The following ADK variants were observed in gnomAD, a reference collection of about 807,000 sequenced individuals.
The protein encoded by ADK is adenosine kinase.
ADK carries 24 observed loss-of-function variants against 44.7 expected under a neutral mutation model. The observed-to-expected ratio is 0.54, with a 90% confidence interval of 0.39 to 0.76. The LOEUF (loss-of-function observed/expected upper bound fraction) is 0.76. Ranked by LOEUF, ADK falls within the 30% of genes least tolerant of loss-of-function variation. ADK has a pLI of 0.00. For missense variants in ADK, 321 were observed against 425.1 expected, an observed-to-expected ratio of 0.76 and a Z score of 2.15; for synonymous variants, 128 against 142.6, an observed-to-expected ratio of 0.90 and a Z score of 0.73.
intron 7 of ADK, among the ~76,000 whole-genome samples, chr10:74,585,606 G>T (rs1851502958): frequency 6.6e-6 from 1 of 152,144 alleles, no homozygotes; most frequent in Admixed American, 6.6e-5. Flanking sequence ...TGTGTCGGTT[G>T]TTTATTTCCT....
intron 4 of ADK, among the ~76,000 whole-genome samples, chr10:74,343,808 C>T (rs557488634): frequency 2.0e-5 from 3 of 152,202 alleles, no homozygotes; most frequent in African/African-American, 7.2e-5. Context: ...GGGGTTTCAC[C>T]ATGTTGGCCA....
chr10:74,210,055 C>T (rs555226318), intron 2 of ADK, among the ~76,000 whole-genome samples: 11 of 151,978 alleles, frequency 7.2e-5, no homozygotes, highest in Non-Finnish European at 1.5e-4. Context: ...TTTGGCTGGG[C>T]GCGGTGGCTC....
chr10:74,396,680 A>G (rs1843522861), intron 5 of ADK, among the ~76,000 whole-genome samples: 2 of 152,054 alleles, frequency 1.3e-5, no homozygotes, highest in South Asian at 4.1e-4. Context: ...CTGGTCGGGC[A>G]TGGCAGCTCA....
intron 6 of ADK, among the ~76,000 whole-genome samples, chr10:74,459,389 G>A (rs549219799): frequency 1.2e-3 from 180 of 152,078 alleles, no homozygotes; most frequent in African/African-American, 4.1e-3. Flanking sequence ...TTACATTTCA[G>A]AGGACATTAG....
At chr10:74,617,948 C>A (rs991616170) in intron 9 of ADK, among the ~76,000 whole-genome samples, 37 of 152,234 alleles carry the variant, frequency 2.4e-4, no homozygotes, top group Admixed American at 2.3e-3. Flanking sequence ...ATAATTCTCA[C>A]GTCTTCCTGA....
At chr10:74,626,439 C>G (rs1161535634) in intron 9 of ADK, among the ~76,000 whole-genome samples, 1 of 151,710 alleles carries the variant, frequency 6.6e-6, no homozygotes, top group African/African-American at 2.4e-5. Flanking sequence ...GTAGCTGGAA[C>G]TACAGGTGTG....
chr10:74,649,348 G>A (rs78292208), intron 9 of ADK, among the ~76,000 whole-genome samples: 4,042 of 152,124 alleles, frequency 0.027, 122 homozygotes, highest in African/African-American at 0.071. Flanking sequence ...ACTGTCAGCC[G>A]GGCACAGTGT....
intron 6 of ADK, among the ~76,000 whole-genome samples, chr10:74,501,676 A>G (rs952542796): frequency 2.6e-5 from 4 of 152,216 alleles, no homozygotes; most frequent in Non-Finnish European, 5.9e-5. Context: ...TCGTTCATAA[A>G]AAAGAATAAA....
chr10:74,409,422 A>G (rs371579688), intron 6 of ADK, among the ~76,000 whole-genome samples: 1 of 152,206 alleles, frequency 6.6e-6, no homozygotes, highest in Non-Finnish European at 1.5e-5. Context: ...ACCCTGTTTC[A>G]TGGATTAGAA....
At chr10:74,510,934 C>G (rs1564763948) in intron 6 of ADK, among the ~76,000 whole-genome samples, 2 of 152,140 alleles carry the variant, frequency 1.3e-5, no homozygotes, top group Non-Finnish European at 2.9e-5. Flanking sequence ...TCTCAAACTC[C>G]TGGGCTCAAG....
chr10:74,525,558 A>G (rs1449938658), intron 7 of ADK, 132 bp downstream of exon 7: 9 of 794,372 alleles, frequency 1.1e-5, no homozygotes, highest in South Asian at 1.8e-5. Flanking sequence ...GAATTGTGCA[A>G]CAAAATTGCC....
chr10:74,502,452 G>T (rs1304784753), intron 6 of ADK, among the ~76,000 whole-genome samples: 5 of 151,890 alleles, frequency 3.3e-5, no homozygotes, highest in Non-Finnish European at 7.4e-5. Flanking sequence ...ATCACAGAAG[G>T]CACCTATATT....
chr10:74,365,485 T>A (rs1400217110), intron 4 of ADK, among the ~76,000 whole-genome samples: 1 of 152,244 alleles, frequency 6.6e-6, no homozygotes, highest in Non-Finnish European at 1.5e-5. Flanking sequence ...AATGTTCCAT[T>A]GTATAGCTAT....
At chr10:74,519,265 C>T (rs1023633972) in intron 6 of ADK, among the ~76,000 whole-genome samples, 2 of 151,846 alleles carry the variant, frequency 1.3e-5, no homozygotes, top group African/African-American at 2.4e-5. Flanking sequence ...CCTACCAAAA[C>T]AATAAAGCTC....
chr10:74,261,605 C>G (rs1846040376), intron 3 of ADK, among the ~76,000 whole-genome samples: 1 of 152,094 alleles, frequency 6.6e-6, no homozygotes, highest in Non-Finnish European at 1.5e-5. Flanking sequence ...CTTTATTCTA[C>G]CTTTACATAG....
At chr10:74,524,505 G>A (rs982801992) in intron 6 of ADK, among the ~76,000 whole-genome samples, 83 of 152,182 alleles carry the variant, frequency 5.5e-4, no homozygotes, top group Middle Eastern at 3.4e-3. Context: ...CAATCCTCCC[G>A]TCTCAGTCTC....
intron 6 of ADK, among the ~76,000 whole-genome samples, chr10:74,494,415 A>G (rs944730883): frequency 2.0e-5 from 3 of 152,142 alleles, no homozygotes; most frequent in Non-Finnish European, 4.4e-5. Flanking sequence ...AGATGTATGT[A>G]TTATTTATTT....
chr10:74,425,094 A>T (rs762347431), intron 6 of ADK, among the ~76,000 whole-genome samples: 8 of 152,204 alleles, frequency 5.3e-5, no homozygotes, highest in Non-Finnish European at 1.0e-4. Flanking sequence ...GACTGAGATG[A>T]AGATACGTTT....
intron 4 of ADK, among the ~76,000 whole-genome samples, chr10:74,333,583 TATGAAGGG>T: frequency 6.6e-6 from 1 of 152,126 alleles, no homozygotes; most frequent in Admixed American, 6.5e-5. Context: ...TGGTGGGGAG[TATGAAGGG>T]ATGCCTGCCA....
Sources: allele counts gnomAD v4.1 joint callset (sites outside exome capture counted in the v4.1 genomes callset), GRCh38; gene constraint gnomAD v4.1.1; transcripts MANE v1.5; gene names NCBI Gene and HGNC (gene_info 2026-07-23, HGNC 2026-07-21).